Variants in ACAA2 observed in about 807,000 individuals in gnomAD.
ACAA2 encodes the protein 3-ketoacyl-CoA thiolase, mitochondrial.
Under a neutral mutation model 44.8 loss-of-function variants are expected in ACAA2, and 35 were observed. The ratio of observed to expected loss-of-function variants is 0.78; its 90% CI spans 0.60 to 1.04. The LOEUF (loss-of-function observed/expected upper bound fraction) is 1.04. ACAA2 is among the 50% of genes least tolerant of loss of function. The probability of loss-of-function intolerance (pLI) is 0.00; values close to 1 mark genes in which losing one functional copy is unlikely to be tolerated. For synonymous variants in ACAA2, 142 were observed against 166.5 expected, an observed-to-expected ratio of 0.85 and a Z score of 1.13; for missense variants, 468 against 482.6, an observed-to-expected ratio of 0.97 and a Z score of 0.28.
At chr18:49,801,958 T>C (rs770296759) in intron 2 of ACAA2, among the ~76,000 whole-genome samples, 36 of 152,054 alleles carry the variant, frequency 2.4e-4, no homozygotes, top group Non-Finnish European at 4.3e-4. Context: ...ATATGAATGA[T>C]TGATTTTGTA....
chr18:49,796,000 G>T, intron 3 of ACAA2, 119 bp from the exon 4 acceptor site: 1 of 627,328 alleles, frequency 1.6e-6, no homozygotes, highest in Non-Finnish European at 2.8e-6. Context: ...GTAGCTTACA[G>T]TGTCTCAAAA....
chr18:49,803,461 G>A (rs2023580007), intron 1 of ACAA2, among the ~76,000 whole-genome samples: 1 of 152,052 alleles, frequency 6.6e-6, no homozygotes, highest in Non-Finnish European at 1.5e-5. Flanking sequence ...GCCCTTAAAA[G>A]GGCCAAGAAT....
rs751360029 is a variant in ACAA2, at chr18:49,792,343, G to C, written c.578-16C>G. ...GCATCATTAGCTGAAAAATAGTAGA[G>C]AGACTATCATAAGAATAAAAGAGAG... On this transcript the variant is annotated splice_polypyrimidine_tract_variant and intron_variant, in intron 5 of 9. Coordinates refer to ENST00000285093, the MANE Select transcript of ACAA2 (RefSeq NM_006111.3). 2.5e-6 allele frequency: 4 copies of C among 1,594,306 alleles called. No individual in the cohort carries two copies. The East Asian group carries it at 6.7e-5, about 27-fold the overall frequency.
At chr18:49,801,814 A>ATATATATATATATATC (rs1491158195) in intron 2 of ACAA2, among the ~76,000 whole-genome samples, 30 of 134,992 alleles carry the variant, frequency 2.2e-4, no homozygotes, top group African/African-American at 7.6e-4. Context: ...ATATATATAT[A>ATATATATATATATATC]TCTTATCTTT....
chr18:49,810,831 C>T (rs1279654187), intron 1 of ACAA2, among the ~76,000 whole-genome samples: 1 of 151,454 alleles, frequency 6.6e-6, no homozygotes, highest in African/African-American at 2.4e-5. Context: ...GGACTACAGG[C>T]GAGTGCCACC....
intron 3 of ACAA2, among the ~76,000 whole-genome samples, chr18:49,796,688 C>A (rs1298552535): frequency 6.6e-6 from 1 of 151,930 alleles, no homozygotes; most frequent in African/African-American, 2.4e-5. Flanking sequence ...ATTTCCTTAT[C>A]CTCTCCTAAA....
chr18:49,807,301 C>T (rs1428764021), intron 1 of ACAA2, among the ~76,000 whole-genome samples: 1 of 152,104 alleles, frequency 6.6e-6, no homozygotes, highest in Non-Finnish European at 1.5e-5. Flanking sequence ...AGGCTGAGTT[C>T]AAGGCTACCG....
intron 1 of ACAA2, among the ~76,000 whole-genome samples, chr18:49,807,655 G>C (rs759420513): frequency 3.3e-5 from 5 of 152,038 alleles, no homozygotes; most frequent in Non-Finnish European, 7.4e-5. Flanking sequence ...GACATGATGG[G>C]ACCCTGTCTC....
At chr18:49,795,952 T>C in intron 3 of ACAA2, 71 bp from the exon 4 acceptor site, 1 of 926,744 alleles carries the variant, frequency 1.1e-6, no homozygotes, top group Non-Finnish European at 1.7e-6. Flanking sequence ...AACACACTGA[T>C]TTTACAAATT....
chr18:49,792,425 T>G, intron 5 of ACAA2, 98 bp from the exon 6 acceptor site: 1 of 1,106,164 alleles, frequency 9.0e-7, no homozygotes. Flanking sequence ...TACCTTTTCC[T>G]CACAGTCTAC....
rs1366042405 is a variant in ACAA2, at chr18:49,792,306, T to TTAAAG, written c.594_598dup (p.Asn200ThrfsTer11). The stretch of plus-strand genomic sequence containing the variant: ...CACTTCAATTGGTGCCATTTCATCA[T>TTAAAG]TAAAGTAGCCAGCATCATTAGCTGA... On this transcript the variant is annotated frameshift_variant, in exon 6 of 10. Coordinates refer to ENST00000285093, the MANE Select transcript of ACAA2 (RefSeq NM_006111.3). LOFTEE classifies it high-confidence loss of function. 5.0e-6 allele frequency: 8 copies of TTAAAG among 1,613,842 alleles called. 1 individual carries two copies. In the East Asian group the frequency reaches 1.8e-4, roughly 36 times the overall value.
At chr18:49,790,563 A>T (rs1295319902) in intron 7 of ACAA2, among the ~76,000 whole-genome samples, 2 of 152,278 alleles carry the variant, frequency 1.3e-5, no homozygotes, top group East Asian at 3.9e-4. Flanking sequence ...TTACAGTGGG[A>T]GGTTATATGT....
chr18:49,809,104 C>T (rs923996502), intron 1 of ACAA2, among the ~76,000 whole-genome samples: 2 of 152,170 alleles, frequency 1.3e-5, no homozygotes, highest in African/African-American at 4.8e-5. Context: ...CTCCTACTTG[C>T]ATATCCGTTT....
intron 2 of ACAA2, 148 bp downstream of exon 2, chr18:49,802,539 C>T (rs113234714): frequency 1.2e-4 from 82 of 686,958 alleles, no homozygotes; most frequent in Middle Eastern, 8.8e-4. Flanking sequence ...TCCAGCCTGG[C>T]GGCAGAGCGA....
intron 1 of ACAA2, 109 bp from the exon 2 acceptor site, chr18:49,802,962 A>G (rs1208230949): frequency 7.6e-7 from 1 of 1,321,588 alleles, no homozygotes; most frequent in Non-Finnish European, 1.1e-6. Context: ...TAGATAATGG[A>G]AATTTCTGTT....
intron 2 of ACAA2, among the ~76,000 whole-genome samples, chr18:49,799,721 G>A (rs557017009): frequency 6.6e-6 from 1 of 151,000 alleles, no homozygotes; most frequent in East Asian, 2.0e-4. Flanking sequence ...GCCCAGTCTG[G>A]AAAGTGAGGA....
At chr18:49,803,436 C>T (rs1380168523) in intron 1 of ACAA2, among the ~76,000 whole-genome samples, 2 of 152,090 alleles carry the variant, frequency 1.3e-5, no homozygotes, top group Non-Finnish European at 2.9e-5. Context: ...TCAGGTGGAC[C>T]CCTTAGAGTT....
chr18:49,791,135 CT>C lies in ACAA2; in HGVS notation c.883+334del, dbSNP rs2023393494. Among the ~76,000 whole-genome samples, 3 of 152,172 alleles carry C rather than the reference CT, an allele frequency of 2.0e-5. No individual in the cohort carries two copies. In the South Asian group the frequency reaches 6.2e-4, roughly 32 times the overall value. On this transcript the variant is annotated intron_variant, in intron 7 of 9. Transcript: ENST00000285093. ...CAGGATTTCTCCCATCTCATAATTT[CT>C]TTTATCTTGTCAGGATCACGTAATT...
At chr18:49,802,925 A>C in intron 1 of ACAA2, 72 bp from the exon 2 acceptor site, 6 of 1,512,062 alleles carry the variant, frequency 4.0e-6, no homozygotes, top group Non-Finnish European at 5.5e-6. Flanking sequence ...GAATAATCTC[A>C]CTGTGAAACC....
Sources: allele counts gnomAD v4.1 joint callset (sites outside exome capture counted in the v4.1 genomes callset), GRCh38; gene constraint gnomAD v4.1.1; transcripts MANE v1.5; gene names NCBI Gene and HGNC (gene_info 2026-07-23, HGNC 2026-07-21).